USP6: variants seen among roughly 807,000 people sequenced by gnomAD.
USP6 encodes ubiquitin carboxyl-terminal hydrolase 6.
Under a neutral mutation model 175.7 loss-of-function variants are expected in USP6, and 128 were observed. The ratio of observed to expected loss-of-function variants is 0.73; its 90% CI spans 0.63 to 0.84. The LOEUF is 0.84. Among genes scored for constraint, USP6 ranks in the 40% least tolerant of loss-of-function variants. USP6 has a pLI of 0.00. For missense variants in USP6, 1,498 were observed against 1,760.3 expected, an observed-to-expected ratio of 0.85 and a Z score of 2.67; for synonymous variants, 562 against 630.6, an observed-to-expected ratio of 0.89 and a Z score of 1.63.
chr17:5,142,074 T>C lies in USP6; in HGVS notation c.1645T>C (p.Cys549Arg), dbSNP rs1394913710. 9 of 1,613,898 alleles carry C rather than the reference T, an allele frequency of 5.6e-6. No homozygotes were observed. In the South Asian group the frequency reaches 6.6e-5, roughly 12 times the overall value. Reference protein sequence around the residue: ...NTCFMNSSIQCVSNTQPLTQY... With the variant: ...NTCFMNSSIQRVSNTQPLTQY... ...ATGCTTCATGAACTCAAGCATCCAG[T>C]GCGTTAGTAACACACAGCCACTGAC... is the stretch of plus-strand genomic sequence containing the variant. The change falls in exon 24 of 38, where the codon TGC becomes CGC. Residue 549 changes from cysteine (C) to arginine (R), a missense_variant. Physicochemically the swap from Cys to Arg is radical, Grantham distance 180 (BLOSUM62 -3). Transcript: ENST00000574788.
chr17:5,150,299 T>TAAAAAAATAAAA (rs1368315907), intron 30 of USP6, among the ~76,000 whole-genome samples: 3 of 94,478 alleles, frequency 3.2e-5, no homozygotes, highest in Admixed American at 2.8e-4. Context: ...TCTAAAAAAA[T>TAAAAAAATAAAA]AAATAAATAA....
At chr17:5,139,706 A>G (rs1044923509) in intron 22 of USP6, 32 bp downstream of exon 22, 2 of 1,601,004 alleles carry the variant, frequency 1.2e-6, no homozygotes, top group Admixed American at 1.7e-5. Context: ...CTGAGCCACA[A>G]TGTGGGCATG....
At chr17:5,138,827 C>A in intron 21 of USP6, 1 of 507,538 alleles carries the variant, frequency 2.0e-6, no homozygotes, top group Non-Finnish European at 3.5e-6. Flanking sequence ...CTGGCATGGA[C>A]TGGGCAGCCC....
At chr17:5,141,342 C>G (rs2073439955) in intron 22 of USP6, 83 bp from the exon 23 acceptor site, 1 of 1,253,734 alleles carries the variant, frequency 8.0e-7, no homozygotes, top group African/African-American at 1.6e-5. Flanking sequence ...AATAAGATGT[C>G]TTTAAAAAAA....
At chr17:5,170,238 C>T (rs1376865363) in intron 35 of USP6, among the ~76,000 whole-genome samples, 2 of 152,166 alleles carry the variant, frequency 1.3e-5, no homozygotes, top group Non-Finnish European at 2.9e-5. Context: ...CTGCTGTTTT[C>T]TGAGTCCCTA....
chr17:5,143,224 C>T lies in USP6; in HGVS notation c.1818+722C>T, dbSNP rs569912507. On this transcript the variant is annotated intron_variant, in intron 25 of 37. Coordinates refer to ENST00000574788, the MANE Select transcript of USP6 (RefSeq NM_001304284.2). ...CCCTACTGGGAAGTGAGGAGCCCCT[C>T]TGCCCGGCCACCACCCCGTCTGGGA... 8.1e-3 allele frequency among the ~76,000 whole-genome samples: 1,235 copies of T among 152,278 alleles called. 17 individuals carry two copies. Among genetic ancestry groups the T allele is most frequent in the African/African-American group, 0.028 (1,170 of 41,560 alleles).
chr17:5,138,033 G>C (rs572460526), intron 20 of USP6, 88 bp from the exon 21 acceptor site: 1 of 1,604,698 alleles, frequency 6.2e-7, no homozygotes, highest in African/African-American at 1.3e-5. Flanking sequence ...ATTCGGCACC[G>C]CCCAGTGGGA....
chr17:5,144,731 G>C lies in USP6; in HGVS notation c.1860G>C (p.Gln620His). The C allele has an allele frequency of 6.2e-7, 1 of 1,613,718 alleles. No homozygotes were observed. ...AKYAPKFDGF[Q>H]QQDSQELLAF... ...ATGCTCCCAAGTTTGATGGGTTTCA[G>C]CAACAAGACTCCCAAGAACTTCTGG... The change falls in exon 26 of 38, where the codon CAG becomes CAC. Residue 620 changes from glutamine (Q) to histidine (H), a missense_variant. By Grantham distance (24) the Gln-to-His change is conservative. Around this residue, in one of 2 missense-constraint regions of USP6, gnomAD observed 1,217 missense variants for 1,500.8 expected, o/e 0.81. Coordinates refer to ENST00000574788, the MANE Select transcript of USP6 (RefSeq NM_001304284.2).
Position 5,116,314 on chromosome 17 carries a change from G to C in USP6, c.-2354G>C, listed in dbSNP as rs914519218. ...CCTCACCACTCCCGGCCCCGCTCCC[G>C]GCGGCCCGCCTCACCACTCCCGGCT... On this transcript the variant is annotated 5_prime_UTR_variant, in exon 1 of 38. Transcript: ENST00000574788. The C allele has an allele frequency of 1.3e-5, 2 of 153,914 alleles. No individual in the cohort carries two copies. Among genetic ancestry groups the C allele is most frequent in the South Asian group, 4.1e-4 (2 of 4,870 alleles). 9.5% of individuals were successfully genotyped at this position (153,914 alleles called of 1,614,324 possible).
chr17:5,136,190 T>C (rs1208055715), intron 17 of USP6, among the ~76,000 whole-genome samples: 8 of 152,176 alleles, frequency 5.3e-5, no homozygotes, highest in Non-Finnish European at 7.4e-5. Context: ...ATCCTCCGGC[T>C]CTGATTCTGT....
At chr17:5,117,288 C>T (rs1175277544) in intron 1 of USP6, among the ~76,000 whole-genome samples, 2 of 152,054 alleles carry the variant, frequency 1.3e-5, no homozygotes, top group African/African-American at 4.8e-5. Flanking sequence ...GAGGCCGAGG[C>T]GGGTGGATCA....
chr17:5,133,773 A>G (rs2073158087), intron 14 of USP6, 114 bp from the exon 15 acceptor site: 5 of 1,251,484 alleles, frequency 4.0e-6, no homozygotes, highest in South Asian at 2.4e-5. Context: ...GCAGAAGGAA[A>G]CCTTCCTTCT....
In USP6 at chr17:5,132,487, G is replaced by A. The variant is rs1209154733; in HGVS notation, c.195+52G>A. On this transcript the variant is annotated intron_variant, in intron 12 of 37. Transcript: ENST00000574788. This position sits in a 1 kb window ranked among gnomAD's most constrained non-coding sequence, Gnocchi z 4.7. ...GGTCCAGGGACGTAGGGACTGGGCG[G>A]GTGGTCAGTGAGGCAGAGGAAGCAG... 4 of 1,611,874 alleles carry A rather than the reference G, an allele frequency of 2.5e-6. No homozygotes were observed. The highest frequency in any genetic ancestry group is 2.2e-5 in the East Asian group (1 of 44,876).
At chr17:5,140,799 T>G (rs1421218913) in intron 22 of USP6, among the ~76,000 whole-genome samples, 1 of 152,182 alleles carries the variant, frequency 6.6e-6, no homozygotes, top group Admixed American at 6.5e-5. Flanking sequence ...TAGAGCTGAT[T>G]ACTCATACAC....
chr17:5,142,556 C>A lies in USP6; in HGVS notation c.1818+54C>A, dbSNP rs1473369175. The A allele has an allele frequency of 3.9e-6, 6 of 1,540,546 alleles. No homozygotes were observed. The East Asian group carries it at 9.7e-5, about 25-fold the overall frequency. ...TTTAATTCCTAAATAGTTGTTTAATCATTTTTCTCTACTTGTTTTTTGTGT... is the reference window on the plus strand; with the variant it reads ...TTTAATTCCTAAATAGTTGTTTAATAATTTTTCTCTACTTGTTTTTTGTGT... On this transcript the variant is annotated intron_variant, in intron 25 of 37. Coordinates refer to ENST00000574788, the MANE Select transcript of USP6 (RefSeq NM_001304284.2).
intron 25 of USP6, 116 bp downstream of exon 25, chr17:5,142,618 T>C (rs891598154): frequency 4.2e-6 from 6 of 1,422,704 alleles, no homozygotes; most frequent in Non-Finnish European, 5.6e-6. Context: ...TTGGATCCTT[T>C]ACTTGGTATA....
At chr17:5,131,092 A>G (rs2073052247) in intron 11 of USP6, among the ~76,000 whole-genome samples, 2 of 152,134 alleles carry the variant, frequency 1.3e-5, no homozygotes, top group South Asian at 4.1e-4. Flanking sequence ...CAGGTCTCTC[A>G]GAGCCCACCG....
chr17:5,132,652 C>A lies in USP6; in HGVS notation c.195+217C>A, dbSNP rs1351306694. Among the ~76,000 whole-genome samples the A allele has an allele frequency of 6.6e-6, 1 of 152,158 alleles. No individual in the cohort carries two copies. Among genetic ancestry groups the A allele is most frequent in the African/African-American group, 2.4e-5 (1 of 41,448 alleles). On this transcript the variant is annotated intron_variant, in intron 12 of 37. Coordinates refer to ENST00000574788, the MANE Select transcript of USP6 (RefSeq NM_001304284.2). The surrounding 1 kb of genome is among the most constrained non-coding windows in gnomAD (Gnocchi z 4.7). ...ACAGTCCTGGCTTGGGGGGTGGCTG[C>A]GCGCTTGTGTCAGGACCCCACCTAG...
At chr17:5,133,650 G>GGGGGGGGGGGGGGGA in intron 14 of USP6, 100 bp downstream of exon 14, 1 of 556,556 alleles carries the variant, frequency 1.8e-6, no homozygotes, top group Non-Finnish European at 3.5e-6. Flanking sequence ...GGGGGGGTGG[G>GGGGGGGGGGGGGGGA]AGGGGATGGT....
Sources: allele counts gnomAD v4.1 joint callset (sites outside exome capture counted in the v4.1 genomes callset), GRCh38; gene constraint gnomAD v4.1.1; regional missense constraint gnomAD v4.1.1; non-coding constraint Gnocchi (gnomAD v3.1); transcripts MANE v1.5; gene names NCBI Gene and HGNC (gene_info 2026-07-23, HGNC 2026-07-21).